Variants in SDK2 observed in about 807,000 individuals in gnomAD.
The protein encoded by SDK2 is sidekick cell adhesion molecule 2.
SDK2 carries 105 observed loss-of-function variants against 253.9 expected under a neutral mutation model. The ratio of observed to expected loss-of-function variants is 0.41; its 90% CI spans 0.35 to 0.49. The LOEUF is 0.49. SDK2 is among the 20% of genes least tolerant of loss of function. The pLI, the probability that SDK2 is intolerant of heterozygous loss-of-function variation, is 0.06. For synonymous variants in SDK2, 1,249 were observed against 1,234.9 expected, an observed-to-expected ratio of 1.01 and a Z score of -0.24; for missense variants, 2,608 against 3,003.0, an observed-to-expected ratio of 0.87 and a Z score of 3.07.
At chr17:73,545,532 C>T (rs1012683742) in intron 1 of SDK2, among the ~76,000 whole-genome samples, 1 of 152,258 alleles carries the variant, frequency 6.6e-6, no homozygotes, top group East Asian at 1.9e-4. Context: ...CTAAACATGC[C>T]CTGCCGCAAG....
chr17:73,568,638 T>C (rs1057150427), intron 1 of SDK2, among the ~76,000 whole-genome samples: 1 of 152,088 alleles, frequency 6.6e-6, no homozygotes, highest in African/African-American at 2.4e-5. Flanking sequence ...AGGTCTAACA[T>C]ATATTATACA....
chr17:73,593,231 C>T (rs2045709307), intron 1 of SDK2, among the ~76,000 whole-genome samples: 2 of 152,292 alleles, frequency 1.3e-5, no homozygotes, highest in Admixed American at 6.5e-5. Flanking sequence ...GCTCTGTGGT[C>T]CTTCTGTCAT....
chr17:73,596,785 C>T lies in SDK2; in HGVS notation c.64+47240G>A, dbSNP rs182735499. Among the ~76,000 whole-genome samples, 765 of 152,352 alleles carry T rather than the reference C, an allele frequency of 5.0e-3. 2 individuals carry two copies. The highest frequency in any genetic ancestry group is 8.4e-3 in the Non-Finnish European group (574 of 68,038). On this transcript the variant is annotated intron_variant, in intron 1 of 44. Coordinates refer to ENST00000392650, the MANE Select transcript of SDK2 (RefSeq NM_001144952.2). ...TCCAGCTCTCATCCTCCCTCCATGGCCTCCAGATGACAAGTCCCTGGGGAT... is the reference window on the plus strand; with the variant it reads ...TCCAGCTCTCATCCTCCCTCCATGGTCTCCAGATGACAAGTCCCTGGGGAT...
At chr17:73,420,991 G>T (rs144145338) in intron 15 of SDK2, among the ~76,000 whole-genome samples, 1 of 152,196 alleles carries the variant, frequency 6.6e-6, no homozygotes, top group Non-Finnish European at 1.5e-5. Context: ...GACTCAGGGC[G>T]GTTTGCATGA....
At chr17:73,411,788 ATTTTTT>A (rs33985713) in intron 18 of SDK2, among the ~76,000 whole-genome samples, 1 of 135,884 alleles carries the variant, frequency 7.4e-6, no homozygotes, top group Admixed American at 7.4e-5. Context: ...TATTACTGCT[ATTTTTT>A]TTTTTTTTTT....
At chr17:73,516,305 G>A (rs542923388) in intron 1 of SDK2, among the ~76,000 whole-genome samples, 8 of 152,354 alleles carry the variant, frequency 5.3e-5, no homozygotes, top group African/African-American at 1.4e-4. Flanking sequence ...TCAGGGTGCC[G>A]AGGGCCCAGG....
At chr17:73,539,068 G>A (rs2044824351) in intron 1 of SDK2, among the ~76,000 whole-genome samples, 1 of 152,190 alleles carries the variant, frequency 6.6e-6, no homozygotes. Flanking sequence ...GAAGGCTGGA[G>A]AAAGGACAGG....
At position 73,457,711 on chromosome 17, in the gene SDK2, A is replaced by T. The variant is rs1018023876; in HGVS notation, c.332-1658T>A. ...ACCTGTGCACAGAATTCCCACGTGC[A>T]GAAAGATTTCACACTGCTGACTTTA... On this transcript the variant is annotated intron_variant, in intron 3 of 44. Coordinates refer to ENST00000392650, the MANE Select transcript of SDK2 (RefSeq NM_001144952.2). 3.9e-5 allele frequency among the ~76,000 whole-genome samples: 6 copies of T among 152,060 alleles called. No homozygotes were observed. In the South Asian group the frequency reaches 1.2e-3, roughly 32 times the overall value.
chr17:73,361,967 G>A lies in SDK2; in HGVS notation c.5306-122C>T. The A allele has an allele frequency of 2.2e-6, 2 of 917,882 alleles. No individual in the cohort carries two copies. Among genetic ancestry groups the A allele is most frequent in the South Asian group, 3.6e-5 (2 of 56,282 alleles). 56.9% of individuals were successfully genotyped at this position (917,882 alleles called of 1,614,324 possible). ...ACCCTGGGTAGGGGCCTCACTCCTTGAGGTCAGGCTGAAATGCACCCCCAG... is the reference window on the plus strand; with the variant it reads ...ACCCTGGGTAGGGGCCTCACTCCTTAAGGTCAGGCTGAAATGCACCCCCAG... On this transcript the variant is annotated intron_variant, in intron 38 of 44. Coordinates refer to ENST00000392650, the MANE Select transcript of SDK2 (RefSeq NM_001144952.2). The surrounding 1 kb of genome is among the most constrained non-coding windows in gnomAD (Gnocchi z 4.1).
Position 73,365,222 on chromosome 17 carries a change from G to A in SDK2, c.5305+36C>T, listed in dbSNP as rs549496670. 9 of 1,508,636 alleles carry A rather than the reference G, an allele frequency of 6.0e-6. No homozygotes were observed. The South Asian group carries it at 7.7e-5, about 13-fold the overall frequency. 93.5% of individuals were successfully genotyped at this position (1,508,636 alleles called of 1,614,324 possible). On this transcript the variant is annotated intron_variant, in intron 38 of 44. Transcript: ENST00000392650. The stretch of plus-strand genomic sequence containing the variant: ...AGATGAGAGCGAGCTTTTGCAAAGT[G>A]GGGGGCTGGGGAGCTGTGCTGGGGG...
rs117647143 is a variant in SDK2, at chr17:73,590,319, G to A, written c.64+53706C>T. Among the ~76,000 whole-genome samples, 629 of 152,288 alleles carry A rather than the reference G, an allele frequency of 4.1e-3. 1 individual carries two copies. The highest frequency in any genetic ancestry group is 5.7e-3 in the Non-Finnish European group (387 of 68,028). On this transcript the variant is annotated intron_variant, in intron 1 of 44. Coordinates refer to ENST00000392650, the MANE Select transcript of SDK2 (RefSeq NM_001144952.2). ...GAACACATGAGACTTGACAGGACCT[G>A]GCAACCAGCACCTCCTTCCCCGGCA...
At position 73,435,520 on chromosome 17, in the gene SDK2, G is replaced by A. The variant is rs773452736; in HGVS notation, c.1125C>T (p.Thr375=). 11 of 1,599,894 alleles carry A rather than the reference G, an allele frequency of 6.9e-6. No individual in the cohort carries two copies. In the South Asian group the frequency reaches 7.9e-5, roughly 12 times the overall value. ...LQISGLVPDD[T]GMFQCFARNA... ...TGCGGGCGAAGCACTGGAACATGCC[G>A]GTATCATCGGGCACCAGGCCGCTGA... The change falls in exon 9 of 45, where the codon ACC becomes ACT. Residue 375 remains threonine, a synonymous_variant. Coordinates refer to ENST00000392650, the MANE Select transcript of SDK2 (RefSeq NM_001144952.2). The surrounding 1 kb of genome is among the most constrained non-coding windows in gnomAD (Gnocchi z 5.7).
intron 16 of SDK2, 56 bp downstream of exon 16, chr17:73,419,110 T>A: frequency 6.3e-7 from 1 of 1,583,074 alleles, no homozygotes; most frequent in Non-Finnish European, 8.6e-7. Flanking sequence ...ACTCCCGATC[T>A]TCCCCCATGC....
chr17:73,387,232 T>G (rs897721701), intron 30 of SDK2, among the ~76,000 whole-genome samples: 7 of 152,266 alleles, frequency 4.6e-5, no homozygotes, highest in Admixed American at 1.3e-4. Flanking sequence ...AGTGCTGGGA[T>G]TCCGGGCGTA....
intron 1 of SDK2, among the ~76,000 whole-genome samples, chr17:73,550,746 G>A (rs1234379223): frequency 1.3e-5 from 2 of 152,230 alleles, no homozygotes; most frequent in African/African-American, 2.4e-5. Flanking sequence ...GATAATCAGC[G>A]AGAAGCCCAG....
intron 4 of SDK2, among the ~76,000 whole-genome samples, chr17:73,454,154 C>T (rs191137206): frequency 6.6e-6 from 1 of 152,278 alleles, no homozygotes; most frequent in Non-Finnish European, 1.5e-5. Context: ...GGTGTGTGTT[C>T]ACACAACAAT....
rs1173824406 is a variant in SDK2, at chr17:73,361,216, C to T, written c.5467+468G>A. On this transcript the variant is annotated intron_variant, in intron 39 of 44. Transcript: ENST00000392650. This position sits in a 1 kb window ranked among gnomAD's most constrained non-coding sequence, Gnocchi z 4.1. ...CAGGAAATCAACCCCTCGGAGCATC[C>T]ACCCTGGGAACGTGCATTTTAGTGC... 3.9e-5 allele frequency among the ~76,000 whole-genome samples: 6 copies of T among 152,146 alleles called. No homozygotes were observed. Among genetic ancestry groups the T allele is most frequent in the South Asian group, 2.1e-4 (1 of 4,828 alleles).
chr17:73,434,705 A>G (rs1456447131), intron 9 of SDK2, among the ~76,000 whole-genome samples: 1 of 152,180 alleles, frequency 6.6e-6, no homozygotes, highest in Non-Finnish European at 1.5e-5. Context: ...CAGTGGCGCC[A>G]TCTTGGCCTC....
At chr17:73,594,667 A>G (rs2045729293) in intron 1 of SDK2, among the ~76,000 whole-genome samples, 1 of 152,210 alleles carries the variant, frequency 6.6e-6, no homozygotes, top group Non-Finnish European at 1.5e-5. Context: ...ACATATGCAC[A>G]CATACATGTA....
Sources: gnomAD v4.1 joint callset for allele counts (sites outside exome capture counted in the v4.1 genomes callset) on GRCh38, gnomAD v4.1.1 for gene constraint, Gnocchi (gnomAD v3.1) non-coding constraint, MANE v1.5 for transcripts, NCBI Gene and HGNC (gene_info 2026-07-23, HGNC 2026-07-21) for gene names.